The following FIGNL2 variants were observed in gnomAD, a reference collection of about 807,000 sequenced individuals.
The protein encoded by FIGNL2 is fidgetin-like protein 2.
For synonymous variants in FIGNL2, 565 were observed against 484.0 expected (o/e 1.17, Z -2.20); for missense variants, 1,060 against 950.2 (o/e 1.12, Z -1.52).
At chr12:51,822,553 C>G (rs1365801568) in intron 1 of FIGNL2, 129 bp from the exon 2 acceptor site, 1 of 987,492 alleles carries the variant, frequency 1.0e-6, no homozygotes, top group Non-Finnish European at 1.5e-6. Flanking sequence ...CACCACCTAC[C>G]GCCCCACTCT....
At position 51,820,902 on chromosome 12, in the gene FIGNL2, C is replaced by T. The variant is rs1939162185; in HGVS notation, c.1512G>A (p.Ala504=). Residue 504 remains alanine, a synonymous_variant, in exon 2 of 2, where the codon GCG becomes GCA. Transcript: ENST00000618634. ...EALLPARDDG[A]AAGGALQVPL... Reference sequence around the variant, plus strand: ...GCACCTGCAGCGCGCCCCCTGCCGCCGCGCCGTCGTCCCGGGCGGGGAGCA... The same window carrying T: ...GCACCTGCAGCGCGCCCCCTGCCGCTGCGCCGTCGTCCCGGGCGGGGAGCA... 7.5e-6 allele frequency: 10 copies of T among 1,337,212 alleles called. No individual in the cohort carries two copies. Among genetic ancestry groups the T allele is most frequent in the Non-Finnish European group, 9.5e-6 (10 of 1,052,320 alleles). 82.8% of individuals were successfully genotyped at this position (1,337,212 alleles called of 1,614,324 possible).
chr12:51,845,687 C>T (rs976174658), intron 1 of FIGNL2: 12 of 985,244 alleles, frequency 1.2e-5, no homozygotes, highest in Non-Finnish European at 1.4e-5. Context: ...GGGAGACCAG[C>T]CTGTCTCTTG....
intron 1 of FIGNL2, among the ~76,000 whole-genome samples, chr12:51,840,903 G>A (rs987090774): frequency 6.6e-6 from 1 of 152,184 alleles, no homozygotes. Context: ...GGTGGCATGT[G>A]GCCTCCAAAA....
chr12:51,845,554 C>T, intron 1 of FIGNL2: 8 of 985,418 alleles, frequency 8.1e-6, no homozygotes, highest in Non-Finnish European at 9.6e-6. Flanking sequence ...CCTGCTGCAG[C>T]CCTGGAGCTT....
intron 1 of FIGNL2, chr12:51,837,818 C>G (rs915619555): frequency 6.6e-6 from 1 of 152,270 alleles, no homozygotes; most frequent in African/African-American, 2.4e-5. Flanking sequence ...TGTTATTACC[C>G]TAGTCCCTGC....
chr12:51,845,672 G>A, intron 1 of FIGNL2: 1 of 985,420 alleles, frequency 1.0e-6, no homozygotes, highest in African/African-American at 1.7e-5. Context: ...GCACAGGGAA[G>A]GTGAGGGAGA....
chr12:51,821,714 C>T lies in FIGNL2; in HGVS notation c.700G>A (p.Gly234Ser). 1 of 1,335,684 alleles carries T rather than the reference C, an allele frequency of 7.5e-7. No homozygotes were observed. Among genetic ancestry groups the T allele is most frequent in the Non-Finnish European group, 9.5e-7 (1 of 1,050,884 alleles). 82.7% of individuals were successfully genotyped at this position (1,335,684 alleles called of 1,614,324 possible). A position where few individuals can be genotyped will look rare whatever the true frequency, so the allele number is the denominator to read the frequency against. ...GGCAGGGGCGTGGGCGCGGGCAGGC[C>T]CGGGGTCAGGTAGGGGGCCGGGGGT... is the stretch of plus-strand genomic sequence containing the variant. ...GPPPAPYLTP[G>S]LPAPTPLPAP... The change falls in exon 2 of 2, where the codon GGC becomes AGC. Residue 234 changes from glycine to serine, a missense_variant. Transcript: ENST00000618634.
At chr12:51,848,074 C>T in intron 1 of FIGNL2, 1 of 922,388 alleles carries the variant, frequency 1.1e-6, no homozygotes, top group South Asian at 5.0e-5. Flanking sequence ...AACCCAGCCC[C>T]CACCCCTCCC....
chr12:51,820,706 C>A lies in FIGNL2; in HGVS notation c.1708G>T (p.Ala570Ser). The change falls in exon 2 of 2, where the codon GCG becomes TCG. Residue 570 changes from alanine (A) to serine (S), a missense_variant. Ala to Ser is a moderately conservative substitution (Grantham distance 99). Transcript: ENST00000618634. The stretch of plus-strand genomic sequence containing the variant: ...AGCGCGCAGCCCTGCTGGGCCAGCG[C>A]CCGCTGCAGGATCTGCCCGCGGGCC... ...SPARGQILQR[A>S]LAQQGCALSE... 6.7e-7 allele frequency: 1 copy of A among 1,486,644 alleles called. No individual in the cohort carries two copies. Among genetic ancestry groups the A allele is most frequent in the Non-Finnish European group, 8.9e-7 (1 of 1,128,106 alleles). The allele number at this position is 1,486,644 out of a possible 1,614,324, so 92.1% of individuals were successfully genotyped here. A position where few individuals can be genotyped will look rare whatever the true frequency, so the allele number is the denominator to read the frequency against.
In FIGNL2 at chr12:51,820,708, C is replaced by G; in HGVS notation, c.1706G>C (p.Arg569Pro). 1 of 1,485,886 alleles carries G rather than the reference C, an allele frequency of 6.7e-7. No homozygotes were observed. The highest frequency in any genetic ancestry group is 8.9e-7 in the Non-Finnish European group (1 of 1,127,820). The allele number at this position is 1,485,886 out of a possible 1,614,324, so 92.0% of individuals were successfully genotyped here. A position where few individuals can be genotyped will look rare whatever the true frequency, so the allele number is the denominator to read the frequency against. ...CGCGCAGCCCTGCTGGGCCAGCGCC[C>G]GCTGCAGGATCTGCCCGCGGGCCGG... Reference protein sequence around the residue: ...DSPARGQILQRALAQQGCALS... With the variant: ...DSPARGQILQPALAQQGCALS... Residue 569 changes from arginine to proline, a missense_variant, in exon 2 of 2, where the codon CGG (arginine) becomes CCG (proline). By Grantham distance (103) the Arg-to-Pro change is moderately radical (BLOSUM62 -2). Transcript: ENST00000618634.
chr12:51,841,009 G>A (rs1939651636), intron 1 of FIGNL2, among the ~76,000 whole-genome samples: 1 of 152,214 alleles, frequency 6.6e-6, no homozygotes, highest in African/African-American at 2.4e-5. Flanking sequence ...TGCCCCCACA[G>A]GGCCAGGCCT....
intron 1 of FIGNL2, among the ~76,000 whole-genome samples, chr12:51,832,258 C>T: frequency 6.6e-6 from 1 of 152,064 alleles, no homozygotes; most frequent in Non-Finnish European, 1.5e-5. Flanking sequence ...CTTAGGTGGT[C>T]CACCTGCCTT....
At position 51,820,318 on chromosome 12, in the gene FIGNL2, C is replaced by T; in HGVS notation, c.*134G>A. 1 of 1,173,350 alleles carries T rather than the reference C, an allele frequency of 8.5e-7. No individual in the cohort carries two copies. The allele number at this position is 1,173,350 out of a possible 1,614,324, so 72.7% of individuals were successfully genotyped here. ...CCACGAAAAAAAAAATATCCACCGG[C>T]AGACCCCTCCTGTCCCCGATCCCAC... On this transcript the variant is annotated 3_prime_UTR_variant, in exon 2 of 2. Coordinates refer to ENST00000618634, the MANE Select transcript of FIGNL2 (RefSeq NM_001384995.1).
intron 1 of FIGNL2, chr12:51,845,637 A>G (rs1939736898): frequency 1.0e-6 from 1 of 985,310 alleles, no homozygotes; most frequent in African/African-American, 1.7e-5. Flanking sequence ...CGCCAAGTCC[A>G]GGAGAGGCAA....
Position 51,821,372 on chromosome 12 carries a change from A to T in FIGNL2, c.1042T>A (p.Phe348Ile). 6.6e-7 allele frequency: 1 copy of T among 1,506,954 alleles called. No individual in the cohort carries two copies. The highest frequency in any genetic ancestry group is 8.8e-7 in the Non-Finnish European group (1 of 1,130,558). 93.3% of individuals were successfully genotyped at this position (1,506,954 alleles called of 1,614,324 possible). The change falls in exon 2 of 2, where the codon TTC becomes ATC. Residue 348 changes from phenylalanine (F) to isoleucine (I), a missense_variant. By Grantham distance (21) the Phe-to-Ile change is conservative. Coordinates refer to ENST00000618634, the MANE Select transcript of FIGNL2 (RefSeq NM_001384995.1). ...YGPQLEPFEK[F>I]PERAPAPRGG... is the part of the protein sequence containing the mutation. Reference sequence around the variant, plus strand: ...CGAGGAGCCGGGGCCCGCTCCGGGAACTTTTCAAAGGGCTCCAGTTGCGGG... The same window carrying T: ...CGAGGAGCCGGGGCCCGCTCCGGGATCTTTTCAAAGGGCTCCAGTTGCGGG...
intron 1 of FIGNL2, among the ~76,000 whole-genome samples, chr12:51,833,333 A>G (rs1373775138): frequency 6.6e-6 from 1 of 152,104 alleles, no homozygotes; most frequent in Non-Finnish European, 1.5e-5. Context: ...GATTCCAGGC[A>G]TGGGCCACTG....
chr12:51,820,520 G>A lies in FIGNL2; in HGVS notation c.1894C>T (p.Pro632Ser). ...TCCAGTTCCTTGGCAGAGGCCCTAGGGCCCACCTTGGCCAGCGCCGCCTCC... is the reference window on the plus strand; with the variant it reads ...TCCAGTTCCTTGGCAGAGGCCCTAGAGCCCACCTTGGCCAGCGCCGCCTCC... ...DLEAALAKVGPRASAKELDSF... is the reference protein window; with the variant it reads ...DLEAALAKVGSRASAKELDSF... The change falls in exon 2 of 2, where the codon CCT (proline) becomes TCT (serine). Residue 632 changes from proline (P) to serine (S), a missense_variant. By Grantham distance (74) the Pro-to-Ser change is moderately conservative. Transcript: ENST00000618634. 1.9e-6 allele frequency: 3 copies of A among 1,567,210 alleles called. No homozygotes were observed. The highest frequency in any genetic ancestry group is 2.6e-6 in the Non-Finnish European group (3 of 1,164,514).
chr12:51,821,214 G>C lies in FIGNL2; in HGVS notation c.1200C>G (p.Leu400=), dbSNP rs1939177122. 6.6e-7 allele frequency: 1 copy of C among 1,521,318 alleles called. No individual in the cohort carries two copies. Among genetic ancestry groups the C allele is most frequent in the African/African-American group, 1.4e-5 (1 of 70,280 alleles). 94.2% of individuals were successfully genotyped at this position (1,521,318 alleles called of 1,614,324 possible). A position where few individuals can be genotyped will look rare whatever the true frequency, so the allele number is the denominator to read the frequency against. The change falls in exon 2 of 2, where the codon CTC becomes CTG. Residue 400 remains leucine (L), a synonymous_variant. Transcript: ENST00000618634. ...QWADVAGQGA[L]KAALEEELVW... ...CCAGCTCCTCCTCCAGCGCCGCCTTGAGCGCGCCCTGGCCCGCCACATCCG... is the reference window on the plus strand; with the variant it reads ...CCAGCTCCTCCTCCAGCGCCGCCTTCAGCGCGCCCTGGCCCGCCACATCCG...
chr12:51,847,738 CA>C, intron 1 of FIGNL2: 1 of 985,408 alleles, frequency 1.0e-6, no homozygotes, highest in Non-Finnish European at 1.2e-6. Flanking sequence ...GGGTGCTCAG[CA>C]ATCTGCGAAG....
Sources: gnomAD v4.1 joint callset for allele counts (sites outside exome capture counted in the v4.1 genomes callset) on GRCh38, gnomAD v4.1.1 for gene constraint, MANE v1.5 for transcripts, NCBI Gene and HGNC (gene_info 2026-07-23, HGNC 2026-07-21) for gene names.